The following AMMECR1 variants were observed in gnomAD, a reference collection of about 807,000 sequenced individuals.
AMMECR1 encodes the protein AMMECR nuclear protein 1.
AMMECR1 carries 3 observed loss-of-function variants against 22.5 expected under a neutral mutation model. The observed-to-expected ratio is 0.13, with a 90% confidence interval of 0.06 to 0.35. The LOEUF (loss-of-function observed/expected upper bound fraction) is 0.35. AMMECR1 is among the 10% of genes least tolerant of loss of function. The pLI, the probability that AMMECR1 is intolerant of heterozygous loss-of-function variation, is 1.00. For missense variants in AMMECR1, 235 were observed against 278.7 expected (o/e 0.84, Z 1.12); for synonymous variants, 130 against 116.7 (o/e 1.11, Z -0.74).
intron 4 of AMMECR1, among the ~76,000 whole-genome samples, chrX:110,201,579 A>G (rs1407986966): frequency 8.9e-6 from 1 of 111,752 alleles, no homozygotes; most frequent in Non-Finnish European, 1.9e-5. Context: ...GAGGCCCTCT[A>G]TCTTTTATGT....
At chrX:110,224,497 A>G (rs2067521434) in intron 2 of AMMECR1, among the ~76,000 whole-genome samples, 1 of 109,881 alleles carries the variant, frequency 9.1e-6, no homozygotes, top group South Asian at 3.9e-4. Context: ...TTACCAACTG[A>G]CTCAGAGTTA....
At chrX:110,266,903 T>C (rs142604514) in intron 1 of AMMECR1, among the ~76,000 whole-genome samples, 1,474 of 110,341 alleles carry the variant, frequency 0.013, 25 homozygotes, top group African/African-American at 0.046. Flanking sequence ...CATGTTCTCA[T>C]TGTTCAACTC....
chrX:110,220,074 T>C (rs905381776), intron 2 of AMMECR1, among the ~76,000 whole-genome samples: 2 of 111,822 alleles, frequency 1.8e-5, no homozygotes, highest in African/African-American at 6.5e-5. Flanking sequence ...CCAAGCTCTC[T>C]TTAGAATATG....
intron 3 of AMMECR1, among the ~76,000 whole-genome samples, chrX:110,215,221 T>C (rs1042243635): frequency 2.7e-5 from 3 of 112,150 alleles, no homozygotes; most frequent in African/African-American, 9.7e-5. Context: ...CAGAAAATCT[T>C]AGCACAAAAC....
intron 2 of AMMECR1, among the ~76,000 whole-genome samples, chrX:110,352,055 A>G (rs2068213203): frequency 8.9e-6 from 1 of 112,072 alleles, no homozygotes; most frequent in Non-Finnish European, 1.9e-5. Flanking sequence ...GGGTGGCTAT[A>G]ACTTTTTTTA....
intron 4 of AMMECR1, among the ~76,000 whole-genome samples, chrX:110,201,774 G>A (rs1239767179): frequency 8.9e-6 from 1 of 111,764 alleles, no homozygotes; most frequent in East Asian, 2.8e-4. Context: ...TTTCTGATGA[G>A]AAGAAAAGCT....
At chrX:110,344,560 C>A (rs1336620569) in intron 2 of AMMECR1, among the ~76,000 whole-genome samples, 11 of 111,101 alleles carry the variant, frequency 9.9e-5, no homozygotes, top group Non-Finnish European at 2.1e-4. Flanking sequence ...AACAGGCAAC[C>A]TATGGAATGG....
intron 2 of AMMECR1, among the ~76,000 whole-genome samples, chrX:110,222,793 G>A (rs1320796306): frequency 1.8e-5 from 2 of 110,774 alleles, no homozygotes; most frequent in African/African-American, 3.3e-5. Context: ...GCAAGAAAGG[G>A]AGAATGGAAA....
intron 2 of AMMECR1, among the ~76,000 whole-genome samples, chrX:110,341,461 G>C (rs1439782109): frequency 4.5e-5 from 5 of 112,054 alleles, no homozygotes; most frequent in Non-Finnish European, 9.4e-5. Context: ...ATATTAAATG[G>C]AAAATTTCAG....
chrX:110,420,472 G>A (rs2068709057), intron 2 of AMMECR1, among the ~76,000 whole-genome samples: 1 of 112,257 alleles, frequency 8.9e-6, no homozygotes, highest in African/African-American at 3.2e-5. Context: ...TCTCACCACA[G>A]GGTACAAGAA....
At chrX:110,334,663 A>G (rs1053612462) in intron 2 of AMMECR1, among the ~76,000 whole-genome samples, 3 of 112,223 alleles carry the variant, frequency 2.7e-5, no homozygotes, top group Non-Finnish European at 5.6e-5. Flanking sequence ...TCTTGTGTTT[A>G]ATCGCTTTCA....
At chrX:110,402,405 G>A (rs1011062214) in intron 2 of AMMECR1, among the ~76,000 whole-genome samples, 2 of 113,034 alleles carry the variant, frequency 1.8e-5, no homozygotes, top group African/African-American at 6.4e-5. Flanking sequence ...ATATCTGAGT[G>A]CAAATTCCTT....
At chrX:110,365,877 G>A (rs766431983) in intron 2 of AMMECR1, among the ~76,000 whole-genome samples, 1 of 112,148 alleles carries the variant, frequency 8.9e-6, no homozygotes, top group East Asian at 2.8e-4. Context: ...TATGCATGCT[G>A]CTTCCAGTGC....
At chrX:110,202,791 A>G (rs1206290845) in intron 3 of AMMECR1, among the ~76,000 whole-genome samples, 1 of 111,605 alleles carries the variant, frequency 9.0e-6, no homozygotes, top group Non-Finnish European at 1.9e-5. Flanking sequence ...TGGAACAACT[A>G]TTCTGAAGCT....
chrX:110,217,261 C>T (rs112692086), intron 2 of AMMECR1, among the ~76,000 whole-genome samples: 4,173 of 107,809 alleles, frequency 0.039, 214 homozygotes, highest in African/African-American at 0.14. Flanking sequence ...ATAAGAATTT[C>T]AGGCCCCCAA....
At chrX:110,287,541 G>A (rs951218907) in intron 1 of AMMECR1, among the ~76,000 whole-genome samples, 2 of 111,501 alleles carry the variant, frequency 1.8e-5, no homozygotes, top group Non-Finnish European at 3.8e-5. Flanking sequence ...CCATTCTGGG[G>A]AAGAAATCAG....
chrX:110,408,338 C>G (rs2068617174), intron 2 of AMMECR1, among the ~76,000 whole-genome samples: 1 of 111,756 alleles, frequency 8.9e-6, no homozygotes, highest in Non-Finnish European at 1.9e-5. Flanking sequence ...ATACTGCCCC[C>G]TAGGGGACTT....
chrX:110,364,762 T>C (rs1002865292), intron 2 of AMMECR1, among the ~76,000 whole-genome samples: 2 of 111,929 alleles, frequency 1.8e-5, no homozygotes, highest in Non-Finnish European at 3.8e-5. Flanking sequence ...TTACTATATA[T>C]GTGACCATAA....
At chrX:110,418,386 A>G (rs1177363969) in intron 2 of AMMECR1, among the ~76,000 whole-genome samples, 1 of 112,349 alleles carries the variant, frequency 8.9e-6, no homozygotes, top group Non-Finnish European at 1.9e-5. Context: ...GTGAATACAA[A>G]AGAAAACAAC....
Sources: gnomAD v4.1 joint callset for allele counts (sites outside exome capture counted in the v4.1 genomes callset) on GRCh38, gnomAD v4.1.1 for gene constraint, MANE v1.5 for transcripts, NCBI Gene and HGNC (gene_info 2026-07-23, HGNC 2026-07-21) for gene names.